The following CLCN2 variants were observed in gnomAD, a reference collection of about 807,000 sequenced individuals.
CLCN2 encodes chloride channel protein 2.
A neutral mutation model predicts 108.3 loss-of-function variants in CLCN2; 72 were observed. The observed-to-expected ratio is 0.66, with a 90% CI of 0.55 to 0.81. The LOEUF is 0.81. CLCN2 is among the 30% of genes least tolerant of loss of function. The pLI, the probability that CLCN2 is intolerant of heterozygous loss-of-function variation, is 0.00. For missense variants in CLCN2, 1,048 were observed against 1,205.2 expected, an observed-to-expected ratio of 0.87 and a Z score of 1.93; for synonymous variants, 471 against 467.1, an observed-to-expected ratio of 1.01 and a Z score of -0.11.
intron 6 of CLCN2, 34 bp from the exon 7 acceptor site, chr3:184,357,732 T>C: frequency 6.2e-7 from 1 of 1,613,884 alleles, no homozygotes; most frequent in Middle Eastern, 1.7e-4. Flanking sequence ...GGGTCAGCTG[T>C]GGGCTCAGCA....
chr3:184,347,208 C>T (rs1727742023), intron 22 of CLCN2, 187 bp from the exon 23 acceptor site: 3 of 653,506 alleles, frequency 4.6e-6, no homozygotes, highest in Non-Finnish European at 5.6e-6. Context: ...TTTCTGTGTC[C>T]AGGCCTCAGG....
chr3:184,357,341 T>C (rs751679839), intron 8 of CLCN2, 21 bp downstream of exon 8: 1 of 1,614,014 alleles, frequency 6.2e-7, no homozygotes, highest in East Asian at 2.2e-5. Flanking sequence ...CGGGCTGCCC[T>C]CATCCCCTGG....
Position 184,357,427 on chromosome 3 carries a change from C to G in CLCN2, c.833G>C (p.Gly278Ala). The change falls in exon 8 of 24, where the codon GGC becomes GCC. Residue 278 changes from glycine to alanine, a missense_variant. Physicochemically the swap from Gly to Ala is moderately conservative, Grantham distance 60. Coordinates refer to ENST00000265593, the MANE Select transcript of CLCN2 (RefSeq NM_004366.6). ...TFFAVRNYWRGFFAATFSAFI... is the reference protein window; with the variant it reads ...TFFAVRNYWRAFFAATFSAFI... ...GGCACTGAAGGTGGCAGCGAAGAAG[C>G]CCCGCCAGTAGTTCCGCACTGCAAA... is the stretch of plus-strand genomic sequence containing the variant. The G allele has an allele frequency of 3.7e-6, 6 of 1,614,170 alleles. No individual in the cohort carries two copies. The highest frequency in any genetic ancestry group is 5.1e-6 in the Non-Finnish European group (6 of 1,180,034).
rs544689847 is a variant in CLCN2, at chr3:184,358,478, C to G, written c.353-168G>C. The G allele has an allele frequency of 2.9e-5, 33 of 1,131,166 alleles. 1 individual carries two copies. The South Asian group carries it at 3.8e-4, about 13-fold the overall frequency. The allele number at this position is 1,131,166 out of a possible 1,614,324, so 70.1% of individuals were successfully genotyped here. ...TCACTGGGACAAAGCGCAATCTAGG[C>G]AAGAGGATCACTTGGAGAGGGGATG... On this transcript the variant is annotated intron_variant, in intron 3 of 23. Transcript: ENST00000265593.
Position 184,355,872 on chromosome 3 carries a change from T to C in CLCN2, c.1086-94A>G. ...GAGGTCAGAGCAGAGCCTTGGCTCT[T>C]TCATGAAAACACTCAGTCCTGACAG... is the stretch of plus-strand genomic sequence containing the variant. On this transcript the variant is annotated intron_variant, in intron 10 of 23. Coordinates refer to ENST00000265593, the MANE Select transcript of CLCN2 (RefSeq NM_004366.6). This position sits in a 1 kb window ranked among gnomAD's most constrained non-coding sequence, Gnocchi z 6.3. 2 of 1,003,284 alleles carry C rather than the reference T, an allele frequency of 2.0e-6. No individual in the cohort carries two copies. Among genetic ancestry groups the C allele is most frequent in the South Asian group, 1.3e-5 (1 of 74,098 alleles). 62.1% of individuals were successfully genotyped at this position (1,003,284 alleles called of 1,614,324 possible).
chr3:184,347,290 C>T, intron 22 of CLCN2: 1 of 511,416 alleles, frequency 2.0e-6, no homozygotes, highest in Admixed American at 3.1e-5. Context: ...TTCTTAGTCC[C>T]ATGTTAGAAA....
Position 184,359,111 on chromosome 3 carries a change from C to T in CLCN2, c.84G>A (p.Gln28=). The change falls in exon 2 of 24, where the codon CAG becomes CAA. Residue 28 remains glutamine (Q), a synonymous_variant. Transcript: ENST00000265593. ...EQTLMYGRYT[Q]DLGAFAKEEA... Reference sequence around the variant, plus strand: ...CCTCTTTGGCAAAGGCCCCAAGGTCCTGAGTGTACCGGCCATACATCTGGA... The same window carrying T: ...CCTCTTTGGCAAAGGCCCCAAGGTCTTGAGTGTACCGGCCATACATCTGGA... 6.2e-7 allele frequency: 1 copy of T among 1,613,778 alleles called. No individual in the cohort carries two copies. Among genetic ancestry groups the T allele is most frequent in the African/African-American group, 1.3e-5 (1 of 75,054 alleles).
chr3:184,348,067 C>T (rs1435898564), intron 22 of CLCN2: 2 of 152,230 alleles, frequency 1.3e-5, no homozygotes, highest in Non-Finnish European at 2.9e-5. Flanking sequence ...GTACCAATTA[C>T]TCAGAACTCA....
intron 14 of CLCN2, 117 bp from the exon 15 acceptor site, chr3:184,354,431 C>T (rs1199696521): frequency 1.5e-6 from 2 of 1,316,522 alleles, no homozygotes; most frequent in Non-Finnish European, 2.2e-6. Context: ...TGGGATTGGA[C>T]CTGTGCATCT....
chr3:184,353,491 T>C, intron 16 of CLCN2, 69 bp from the exon 17 acceptor site: 1 of 1,550,944 alleles, frequency 6.4e-7, no homozygotes, highest in Non-Finnish European at 8.7e-7. Context: ...TCTCTCACAC[T>C]CAGAGTGGGG....
Position 184,357,285 on chromosome 3 carries a change from G to A in CLCN2, c.899-19C>T, listed in dbSNP as rs377410111. 2.9e-5 allele frequency: 46 copies of A among 1,613,908 alleles called. No homozygotes were observed. The highest frequency in any genetic ancestry group is 3.7e-5 in the Non-Finnish European group (44 of 1,179,998). On this transcript the variant is annotated intron_variant, in intron 8 of 23. Transcript: ENST00000265593. ...ATAGTCTCTAAAGGGAAGAACAGCA[G>A]AGGGAGGCAGGCCTAGCCTCGTGGG... is the stretch of plus-strand genomic sequence containing the variant.
rs755509180 is a variant in CLCN2 at position 184,355,529 on chromosome 3, G to C, written c.1171C>G (p.Leu391Val). ...PGFGQFMAGQ[L>V]SQKETLVTLF... ...GTGACCAGCGTCTCTTTCTGTGAGAGCTAGAGTGAACAGGGTGCCTCAGGC... is the reference window on the plus strand; with the variant it reads ...GTGACCAGCGTCTCTTTCTGTGAGACCTAGAGTGAACAGGGTGCCTCAGGC... The change falls in exon 12 of 24, where the codon CTC becomes GTC. Residue 391 changes from leucine (L) to valine (V), a missense_variant and splice_region_variant. By Grantham distance (32) the Leu-to-Val change is conservative. Coordinates refer to ENST00000265593, the MANE Select transcript of CLCN2 (RefSeq NM_004366.6). This position sits in a 1 kb window ranked among gnomAD's most constrained non-coding sequence, Gnocchi z 6.3. 1.9e-6 allele frequency: 3 copies of C among 1,614,120 alleles called. No homozygotes were observed. The East Asian group carries it at 6.7e-5, about 36-fold the overall frequency.
rs1244927958 is a variant in CLCN2, at chr3:184,346,777, A to G, written c.2526T>C (p.Ser842=). Residue 842 remains serine (S), a synonymous_variant, in exon 24 of 24, where the codon TCT becomes TCC. Transcript: ENST00000265593. This position sits in a 1 kb window ranked among gnomAD's most constrained non-coding sequence, Gnocchi z 6.0. The part of the protein sequence containing the change: ...LKELRKAIEG[S]VTAQGVKVRP... ...GGACTTTCACACCCTGTGCTGTGAC[A>G]GAGCCCTCGATGGCCTTCCGGAGCT... is the stretch of plus-strand genomic sequence containing the variant. The G allele has an allele frequency of 7.4e-6, 12 of 1,614,132 alleles. No individual in the cohort carries two copies. Among genetic ancestry groups the G allele is most frequent in the Non-Finnish European group, 1.0e-5 (12 of 1,180,028 alleles).
rs1044452749 is a variant in CLCN2 at position 184,352,019 on chromosome 3, CAA to C, written c.2407_2408del (p.Leu803AlafsTer63). On this transcript the variant is annotated frameshift_variant, in exon 22 of 24. Transcript: ENST00000265593. LOFTEE classifies it high-confidence loss of function. ...GCCAGGCTGCTGGCCCTACCTTGTGCAAAGAGGTCCGCTCCACCAGCTGGAAG... is the reference window on the plus strand; with the variant it reads ...GCCAGGCTGCTGGCCCTACCTTGTGCAGAGGTCCGCTCCACCAGCTGGAAG... ...APFQLVERTS[L>X]HKTHTIFSLL... 3.7e-6 allele frequency: 6 copies of C among 1,613,152 alleles called. No homozygotes were observed. In the African/African-American group the frequency reaches 8.0e-5, roughly 22 times the overall value.
chr3:184,356,868 G>T, intron 10 of CLCN2, 125 bp downstream of exon 10: 1 of 727,842 alleles, frequency 1.4e-6, no homozygotes, highest in Admixed American at 2.0e-5. Flanking sequence ...GGAAAACACT[G>T]CTGGCTGATT....
chr3:184,353,804 C>T lies in CLCN2; in HGVS notation c.1722-9G>A, dbSNP rs760536844. 9 of 1,602,944 alleles carry T rather than the reference C, an allele frequency of 5.6e-6. No homozygotes were observed. The highest frequency in any genetic ancestry group is 3.4e-5 in the South Asian group (3 of 89,062). On this transcript the variant is annotated splice_polypyrimidine_tract_variant and intron_variant, in intron 15 of 23. Transcript: ENST00000265593. The stretch of plus-strand genomic sequence containing the variant: ...CACGCACCCGGTACTGCCTGGGGGC[C>T]GAGAGAGGCGCTTGGTTTGTGGTCA...
chr3:184,355,524 TGA>T lies in CLCN2; in HGVS notation c.1174_1175del (p.Ser392ThrfsTer10). On this transcript the variant is annotated frameshift_variant, in exon 12 of 24. Coordinates refer to ENST00000265593, the MANE Select transcript of CLCN2 (RefSeq NM_004366.6). LOFTEE classifies it high-confidence loss of function. This position sits in a 1 kb window ranked among gnomAD's most constrained non-coding sequence, Gnocchi z 6.3. Reference sequence around the variant, plus strand: ...ACAGGGTGACCAGCGTCTCTTTCTGTGAGAGCTAGAGTGAACAGGGTGCCTCA... The same window carrying T: ...ACAGGGTGACCAGCGTCTCTTTCTGTGAGCTAGAGTGAACAGGGTGCCTCA... Reference protein sequence around the residue: ...GFGQFMAGQLSQKETLVTLFD... With the variant: ...GFGQFMAGQLXQKETLVTLFD... 1 of 1,613,952 alleles carries T rather than the reference TGA, an allele frequency of 6.2e-7. No individual in the cohort carries two copies. The highest frequency in any genetic ancestry group is 8.5e-7 in the Non-Finnish European group (1 of 1,179,992).
intron 22 of CLCN2, among the ~76,000 whole-genome samples, chr3:184,351,401 C>G (rs1479439298): frequency 6.6e-6 from 1 of 152,204 alleles, no homozygotes; most frequent in Non-Finnish European, 1.5e-5. Flanking sequence ...CCACCCCAGG[C>G]AGTCTGCTCA....
chr3:184,354,281 G>A lies in CLCN2; in HGVS notation c.1541C>T (p.Thr514Ile). 1.2e-6 allele frequency: 2 copies of A among 1,613,030 alleles called. No homozygotes were observed. The highest frequency in any genetic ancestry group is 1.7e-6 in the Non-Finnish European group (2 of 1,179,950). ...GAACACGATCACAGCCGTGGACACT[G>A]TGTGTGTCACCGCTCCTGCCAGCGC... ...AAALAGAVTH[T>I]VSTAVIVFEL... Residue 514 changes from threonine (T) to isoleucine (I), a missense_variant, in exon 15 of 24, where the codon ACA becomes ATA. Thr to Ile is a moderately conservative substitution (Grantham distance 89, BLOSUM62 -1). Coordinates refer to ENST00000265593, the MANE Select transcript of CLCN2 (RefSeq NM_004366.6).
Sources: allele counts gnomAD v4.1 joint callset (sites outside exome capture counted in the v4.1 genomes callset), GRCh38; gene constraint gnomAD v4.1.1; non-coding constraint Gnocchi (gnomAD v3.1); transcripts MANE v1.5; gene names NCBI Gene and HGNC (gene_info 2026-07-23, HGNC 2026-07-21).